The following AIG1 variants were observed in gnomAD, a reference collection of about 807,000 sequenced individuals.
The protein encoded by AIG1 is androgen-induced gene 1 protein.
In AIG1, 23 loss-of-function variants were observed where a neutral mutation model predicts 31.4. The ratio of observed to expected loss-of-function variants is 0.73; its 90% confidence interval spans 0.53 to 1.04. The LOEUF (loss-of-function observed/expected upper bound fraction) is 1.04. Ranked by LOEUF, AIG1 falls within the 50% of genes least tolerant of loss-of-function variation. AIG1 has a pLI of 0.00. For missense variants in AIG1, 274 were observed against 295.0 expected (o/e 0.93, Z 0.52); for synonymous variants, 100 against 110.5 (o/e 0.90, Z 0.60).
chr6:143,146,280 A>T (rs9496531), intron 2 of AIG1, among the ~76,000 whole-genome samples: 3,642 of 152,286 alleles, frequency 0.024, 122 homozygotes, highest in African/African-American at 0.075. Flanking sequence ...TATGTATTTG[A>T]AATTTGAGAT....
At position 143,333,358 on chromosome 6, in the gene AIG1, ATCT is replaced by A. The variant is rs1777232231; in HGVS notation, c.597_599del (p.Phe200del). Reference sequence around the variant, plus strand: ...ACACATTGGCCCAGGAGCCAGAATCATCTTCTTTGGGTCTACAACCATCTTAAT... The same window carrying A: ...ACACATTGGCCCAGGAGCCAGAATCATCTTTGGGTCTACAACCATCTTAAT... On this transcript the variant is annotated inframe_deletion, in exon 5 of 6. Coordinates refer to ENST00000357847, the MANE Select transcript of AIG1 (RefSeq NM_016108.4). This position sits in a 1 kb window ranked among gnomAD's most constrained non-coding sequence, Gnocchi z 4.6. 1.2e-6 allele frequency: 2 copies of A among 1,613,912 alleles called. No individual in the cohort carries two copies. Among genetic ancestry groups the A allele is most frequent in the South Asian group, 1.1e-5 (1 of 91,062 alleles).
intron 3 of AIG1, among the ~76,000 whole-genome samples, chr6:143,182,356 A>G (rs920475848): frequency 6.6e-6 from 1 of 152,166 alleles, no homozygotes; most frequent in Non-Finnish European, 1.5e-5. Flanking sequence ...AGTGCCTGGT[A>G]TAGTGCCTGG....
At chr6:143,069,249 T>G (rs1487485621) in intron 1 of AIG1, among the ~76,000 whole-genome samples, 2 of 152,196 alleles carry the variant, frequency 1.3e-5, no homozygotes, top group African/African-American at 4.8e-5. Context: ...ACTCCTGGGC[T>G]CAAGCGATCC....
intron 3 of AIG1, among the ~76,000 whole-genome samples, chr6:143,171,436 A>G (rs1427018600): frequency 1.0e-5 from 1 of 97,188 alleles, no homozygotes; most frequent in East Asian, 3.8e-4. Context: ...TATATAATAT[A>G]TATATAATAT....
At chr6:143,160,953 C>T (rs771168184) in intron 2 of AIG1, among the ~76,000 whole-genome samples, 30 of 152,144 alleles carry the variant, frequency 2.0e-4, no homozygotes, top group Non-Finnish European at 4.4e-4. Flanking sequence ...ACCAAAGCTT[C>T]ACACTGAGTC....
intron 3 of AIG1, among the ~76,000 whole-genome samples, chr6:143,242,475 A>T (rs1421051058): frequency 6.6e-6 from 1 of 152,258 alleles, no homozygotes; most frequent in Non-Finnish European, 1.5e-5. Flanking sequence ...CCCATTTTTC[A>T]GATGAAAAAG....
At position 143,282,590 on chromosome 6, in the gene AIG1, A is replaced by G. The variant is rs192643812; in HGVS notation, c.400-1520A>G. ...TTTTAAAAAAATAGTAATAAAGAAG[A>G]TAAAAGATAAAGAAATATAAAGCTA... is the stretch of plus-strand genomic sequence containing the variant. On this transcript the variant is annotated intron_variant, in intron 3 of 5. Coordinates refer to ENST00000357847, the MANE Select transcript of AIG1 (RefSeq NM_016108.4). 3.4e-4 allele frequency among the ~76,000 whole-genome samples: 52 copies of G among 152,360 alleles called. No individual in the cohort carries two copies. In the East Asian group the frequency reaches 8.1e-3, roughly 24 times the overall value.
intron 3 of AIG1, among the ~76,000 whole-genome samples, chr6:143,244,408 T>A (rs780455883): frequency 5.3e-5 from 8 of 152,300 alleles, no homozygotes; most frequent in Non-Finnish European, 8.8e-5. Flanking sequence ...GGTAAGATGT[T>A]AAGGGTTTTT....
chr6:143,129,147 C>T lies in AIG1; in HGVS notation c.142-7688C>T, dbSNP rs528580570. Among the ~76,000 whole-genome samples the T allele has an allele frequency of 2.6e-5, 4 of 151,638 alleles. No individual in the cohort carries two copies. In the South Asian group the frequency reaches 6.2e-4, roughly 24 times the overall value. Reference sequence around the variant, plus strand: ...TCTACTAAAAATACAAAAAATTAGGCGGGTGTGGGGGCAGGCACCTGTAGT... The same window carrying T: ...TCTACTAAAAATACAAAAAATTAGGTGGGTGTGGGGGCAGGCACCTGTAGT... On this transcript the variant is annotated intron_variant, in intron 1 of 5. Coordinates refer to ENST00000357847, the MANE Select transcript of AIG1 (RefSeq NM_016108.4).
At position 143,340,584 on chromosome 6, in the gene AIG1, C is replaced by T. The variant is rs1213735343; in HGVS notation, c.*908C>T. ...CATGCCATTCTCCTGCCTTCTCAGC[C>T]TCCCGAGTAGCTGGGACTACAGGCG... On this transcript the variant is annotated 3_prime_UTR_variant, in exon 6 of 6. Transcript: ENST00000357847. Among the ~76,000 whole-genome samples the T allele has an allele frequency of 1.3e-5, 2 of 152,164 alleles. No individual in the cohort carries two copies. The highest frequency in any genetic ancestry group is 6.5e-5 in the Admixed American group (1 of 15,284).
rs1295276947 is a variant in AIG1 at position 143,331,433 on chromosome 6, CTCATATAAGTGGAA to C, written c.516-1841_516-1828del. 1.3e-5 allele frequency among the ~76,000 whole-genome samples: 2 copies of C among 152,174 alleles called. No homozygotes were observed. Among genetic ancestry groups the C allele is most frequent in the East Asian group, 3.9e-4 (2 of 5,178 alleles). ...CTGTGAAATTGCCTATTCTAGGTAC[CTCATATAAGTGGAA>C]TCATATACAATATGTGACCTGTGTC... is the stretch of plus-strand genomic sequence containing the variant. On this transcript the variant is annotated intron_variant, in intron 4 of 5. Transcript: ENST00000357847. This position sits in a 1 kb window ranked among gnomAD's most constrained non-coding sequence, Gnocchi z 4.1.
chr6:143,156,843 T>C (rs76915897), intron 2 of AIG1, among the ~76,000 whole-genome samples: 2,875 of 152,318 alleles, frequency 0.019, 46 homozygotes, highest in Middle Eastern at 0.051. Context: ...TCATTGGGTT[T>C]GGACTGCCTT....
chr6:143,088,794 C>T (rs578032042), intron 1 of AIG1, among the ~76,000 whole-genome samples: 1 of 152,334 alleles, frequency 6.6e-6, no homozygotes, highest in South Asian at 2.1e-4. Context: ...TTGAAATCTC[C>T]TTCCACAAAT....
intron 3 of AIG1, among the ~76,000 whole-genome samples, chr6:143,225,312 A>G (rs1287084191): frequency 1.3e-5 from 2 of 152,196 alleles, no homozygotes; most frequent in Non-Finnish European, 2.9e-5. Context: ...CATGTCTTAG[A>G]CATCCCACAA....
At chr6:143,176,747 C>CT (rs1430100886) in intron 3 of AIG1, among the ~76,000 whole-genome samples, 21 of 152,394 alleles carry the variant, frequency 1.4e-4, no homozygotes, top group African/African-American at 5.0e-4. Context: ...TTCCAGGCAG[C>CT]TGGTGAGCAG....
At chr6:143,290,447 G>A (rs1012346364) in intron 4 of AIG1, among the ~76,000 whole-genome samples, 12 of 152,180 alleles carry the variant, frequency 7.9e-5, no homozygotes, top group East Asian at 1.9e-4. Flanking sequence ...GGCCGCATGC[G>A]CAGTGTGTTT....
At chr6:143,188,830 T>G in intron 3 of AIG1, 2 of 985,244 alleles carry the variant, frequency 2.0e-6, no homozygotes, top group Non-Finnish European at 2.4e-6. Flanking sequence ...TCCCAGAACA[T>G]TCCTTTTTAC....
chr6:143,059,504 G>A (rs148022374), upstream of AIG1, among the ~76,000 whole-genome samples: 1 of 151,990 alleles, frequency 6.6e-6, no homozygotes, highest in Non-Finnish European at 1.5e-5. Flanking sequence ...AAAAAATAAA[G>A]CCAACTTTTA....
chr6:143,118,959 G>A (rs1781994555), intron 1 of AIG1, among the ~76,000 whole-genome samples: 1 of 150,194 alleles, frequency 6.7e-6, no homozygotes, highest in South Asian at 2.1e-4. Flanking sequence ...CTGCAACCTC[G>A]ACCTCCTGGG....
Sources: gnomAD v4.1 joint callset for allele counts (sites outside exome capture counted in the v4.1 genomes callset) on GRCh38, gnomAD v4.1.1 for gene constraint, Gnocchi (gnomAD v3.1) non-coding constraint, MANE v1.5 for transcripts, NCBI Gene and HGNC (gene_info 2026-07-23, HGNC 2026-07-21) for gene names.